Variants in TRPM6 observed in about 807,000 individuals in gnomAD.
The protein encoded by TRPM6 is channel kinase 2.
TRPM6 carries 111 observed loss-of-function variants against 247.6 expected under a neutral mutation model. That is an observed-to-expected ratio of 0.45 (90% CI 0.38 to 0.52). TRPM6 has a LOEUF of 0.52. Ranked by LOEUF, TRPM6 falls within the 20% of genes least tolerant of loss-of-function variation. The pLI, the probability that TRPM6 is intolerant of heterozygous loss-of-function variation, is 0.00. For missense variants in TRPM6, 2,126 were observed against 2,421.5 expected (o/e 0.88, Z 2.56); for synonymous variants, 892 against 853.8 (o/e 1.04, Z -0.78).
intron 3 of TRPM6, among the ~76,000 whole-genome samples, chr9:74,850,492 G>A (rs1008345664): frequency 1.3e-5 from 2 of 151,976 alleles, no homozygotes; most frequent in African/African-American, 2.4e-5. Flanking sequence ...GGCTGAGGTG[G>A]GTGGATCACA....
At chr9:74,803,646 G>A (rs765238388) in intron 15 of TRPM6, 148 bp downstream of exon 15, 1 of 733,654 alleles carries the variant, frequency 1.4e-6, no homozygotes, top group Non-Finnish European at 2.5e-6. Context: ...CTGGACAGCT[G>A]TGTTATGCTT....
chr9:74,872,726 T>G (rs765855044), intron 1 of TRPM6, among the ~76,000 whole-genome samples: 9 of 151,812 alleles, frequency 5.9e-5, no homozygotes, highest in Non-Finnish European at 8.8e-5. Context: ...AGCCTCAGCC[T>G]CTCAAAGTGC....
intron 30 of TRPM6, among the ~76,000 whole-genome samples, chr9:74,749,920 TCA>T (rs1460194186): frequency 2.0e-5 from 3 of 152,180 alleles, no homozygotes; most frequent in African/African-American, 7.2e-5. Flanking sequence ...CTGCTGGGTA[TCA>T]ACTGGCACTT....
intron 31 of TRPM6, among the ~76,000 whole-genome samples, chr9:74,744,965 G>C (rs528820318): frequency 6.6e-6 from 1 of 152,206 alleles, no homozygotes; most frequent in East Asian, 1.9e-4. Context: ...AGAAAAGACT[G>C]TTTCTTTCTG....
At chr9:74,739,516 T>C in intron 34 of TRPM6, 67 bp from the exon 35 acceptor site, 3 of 1,548,420 alleles carry the variant, frequency 1.9e-6, no homozygotes, top group Non-Finnish European at 2.7e-6. Context: ...ATGAAATTAC[T>C]ATAGGCTACC....
chr9:74,887,465 C>A, intron 1 of TRPM6: 1 of 1,019,530 alleles, frequency 9.8e-7, no homozygotes, highest in Non-Finnish European at 1.3e-6. Context: ...CTCCCTCCGG[C>A]CCGGAGCGGA....
At chr9:74,745,462 C>CGTGTGT (rs377055848) in intron 31 of TRPM6, among the ~76,000 whole-genome samples, 3 of 145,750 alleles carry the variant, frequency 2.1e-5, no homozygotes, top group Non-Finnish European at 4.6e-5. Flanking sequence ...TGTGTGTGTG[C>CGTGTGT]GTGTGTGTGT....
Position 74,816,689 on chromosome 9 carries a change from T to C in TRPM6, c.1288A>G (p.Ile430Val), listed in dbSNP as rs780994751. Reference protein sequence around the residue: ...RVDIAKKHILIYEQHWKPDAL... With the variant: ...RVDIAKKHILVYEQHWKPDAL... ...TATACCTTCCAGTGTTGTTCATAAA[T>C]TAGGATATGTTTCTTGGCAATGTCC... Residue 430 changes from isoleucine to valine, a missense_variant, in exon 11 of 39, where the codon ATT becomes GTT. This residue lies in a region of TRPM6 where 1,082 missense variants were observed against 1,307.9 expected (regional missense o/e 0.83). Coordinates refer to ENST00000360774, the MANE Select transcript of TRPM6 (RefSeq NM_017662.5). 6 of 1,613,926 alleles carry C rather than the reference T, an allele frequency of 3.7e-6. No homozygotes were observed. Among genetic ancestry groups the C allele is most frequent in the Non-Finnish European group, 2.5e-6 (3 of 1,179,860 alleles).
In TRPM6 at chr9:74,762,224, C is replaced by A; in HGVS notation, c.4447G>T (p.Asp1483Tyr). Reference sequence around the variant, plus strand: ...TGGTGCTGTTCACTCCGAGAGGAATCACTGTCACAAGTGGAGGGCAAGCAG... The same window carrying A: ...TGGTGCTGTTCACTCCGAGAGGAATAACTGTCACAAGTGGAGGGCAAGCAG... ...QTCLPSTCDS[D>Y]SSRSEQHQKQ... The change falls in exon 26 of 39, where the codon GAT (aspartate) becomes TAT (tyrosine). Residue 1483 changes from aspartate (D) to tyrosine (Y), a missense_variant. Transcript: ENST00000360774. The A allele has an allele frequency of 6.2e-7, 1 of 1,614,198 alleles. No homozygotes were observed. Among genetic ancestry groups the A allele is most frequent in the Non-Finnish European group, 8.5e-7 (1 of 1,180,036 alleles).
chr9:74,785,834 T>TA, intron 21 of TRPM6, 40 bp downstream of exon 21: 5 of 1,613,094 alleles, frequency 3.1e-6, no homozygotes, highest in Non-Finnish European at 3.4e-6. Flanking sequence ...AAAATAATTT[T>TA]AAAAAAGAAT....
intron 31 of TRPM6, 60 bp downstream of exon 31, chr9:74,747,829 G>C (rs573414853): frequency 7.3e-7 from 1 of 1,366,458 alleles, no homozygotes; most frequent in African/African-American, 1.4e-5. Flanking sequence ...GCAGGACAGT[G>C]AACCTCGCAT....
At chr9:74,819,503 T>G (rs1182826388) in intron 9 of TRPM6, among the ~76,000 whole-genome samples, 1 of 152,136 alleles carries the variant, frequency 6.6e-6, no homozygotes, top group Non-Finnish European at 1.5e-5. Context: ...AGCAAGACCT[T>G]GTCTTTACCA....
chr9:74,829,307 A>G (rs1295020259), intron 6 of TRPM6, among the ~76,000 whole-genome samples: 1 of 152,134 alleles, frequency 6.6e-6, no homozygotes, highest in East Asian at 1.9e-4. Flanking sequence ...TAAATAAATA[A>G]ATAAAACAGT....
In TRPM6 at chr9:74,732,740, A is replaced by G. The variant is rs769690377; in HGVS notation, c.5777-4T>C. 6 of 1,606,434 alleles carry G rather than the reference A, an allele frequency of 3.7e-6. No individual in the cohort carries two copies. The South Asian group carries it at 6.7e-5, about 18-fold the overall frequency. ...TCTGTCAAATTTTCTCCAACACCTC[A>G]AAAGAAGAAACAAAATTCGTTTAGC... On this transcript the variant is annotated splice_polypyrimidine_tract_variant and splice_region_variant and intron_variant, in intron 36 of 38. Coordinates refer to ENST00000360774, the MANE Select transcript of TRPM6 (RefSeq NM_017662.5).
At chr9:74,735,046 C>T (rs1369703041) in intron 36 of TRPM6, among the ~76,000 whole-genome samples, 1 of 152,026 alleles carries the variant, frequency 6.6e-6, no homozygotes, top group Admixed American at 6.6e-5. Context: ...AACCCCATCA[C>T]TATCACTACA....
At chr9:74,760,696 C>T (rs1401813964) in intron 27 of TRPM6, among the ~76,000 whole-genome samples, 4 of 152,136 alleles carry the variant, frequency 2.6e-5, no homozygotes, top group Non-Finnish European at 1.5e-5. Flanking sequence ...ACTGAATTGG[C>T]GAGTGCTATG....
chr9:74,820,248 G>A (rs1829091235), intron 9 of TRPM6, 56 bp downstream of exon 9: 4 of 1,573,658 alleles, frequency 2.5e-6, no homozygotes, highest in Non-Finnish European at 2.6e-6. Context: ...AAATATTACA[G>A]TGTTTATAAA....
At chr9:74,734,063 T>C (rs892108025) in intron 36 of TRPM6, among the ~76,000 whole-genome samples, 2 of 152,186 alleles carry the variant, frequency 1.3e-5, no homozygotes, top group Non-Finnish European at 2.9e-5. Flanking sequence ...AAAGGTAACA[T>C]AGGTGCAATG....
chr9:74,868,587 G>A (rs752536004), intron 1 of TRPM6, among the ~76,000 whole-genome samples: 55 of 152,186 alleles, frequency 3.6e-4, no homozygotes, highest in Non-Finnish European at 6.3e-4. Flanking sequence ...TACTAAGTAA[G>A]GAAGTGGGTC....
Sources: allele counts gnomAD v4.1 joint callset (sites outside exome capture counted in the v4.1 genomes callset), GRCh38; gene constraint gnomAD v4.1.1; regional missense constraint gnomAD v4.1.1; transcripts MANE v1.5; gene names NCBI Gene and HGNC (gene_info 2026-07-23, HGNC 2026-07-21).